COMMD9: variants seen among roughly 807,000 people sequenced by gnomAD.
COMMD9 encodes the protein COMM domain-containing protein 9.
In COMMD9, 22 loss-of-function variants were observed where a neutral mutation model predicts 23.4. The observed-to-expected ratio is 0.94, with a 90% CI of 0.67 to 1.34. The LOEUF (loss-of-function observed/expected upper bound fraction) is 1.34. COMMD9 is among the 40% of genes most tolerant of loss of function. The probability of loss-of-function intolerance (pLI) is 0.00; values close to 1 mark genes in which losing one functional copy is unlikely to be tolerated. For synonymous variants in COMMD9, 99 were observed against 97.4 expected (o/e 1.02, Z -0.10); for missense variants, 231 against 240.2 (o/e 0.96, Z 0.25).
chr11:36,274,396 A>G lies in COMMD9; in HGVS notation c.*236T>C, dbSNP rs1855933417. 2.9e-6 allele frequency: 2 copies of G among 692,096 alleles called. No individual in the cohort carries two copies. The allele number at this position is 692,096 out of a possible 1,614,324, so 42.9% of individuals were successfully genotyped here. A position where few individuals can be genotyped will look rare whatever the true frequency, so the allele number is the denominator to read the frequency against. On this transcript the variant is annotated 3_prime_UTR_variant, in exon 6 of 6. Coordinates refer to ENST00000263401, the MANE Select transcript of COMMD9 (RefSeq NM_014186.4). ...ATTAAGTTGCACTCAGGAGCTTTTC[A>G]AAGATGGGGGCTTCTGCTCTCCAGC...
intron 2 of COMMD9, 74 bp downstream of exon 2, chr11:36,280,638 G>A (rs1590401292): frequency 2.1e-6 from 3 of 1,423,084 alleles, no homozygotes; most frequent in Non-Finnish European, 2.8e-6. Flanking sequence ...CCTTGGACAT[G>A]GCAATGACTG....
chr11:36,281,322 T>C (rs1413444799), intron 1 of COMMD9, among the ~76,000 whole-genome samples: 2 of 152,140 alleles, frequency 1.3e-5, no homozygotes, highest in African/African-American at 4.8e-5. Context: ...CCAAATATCA[T>C]AGAAAAACTG....
At chr11:36,279,242 C>T (rs899320943) in intron 2 of COMMD9, among the ~76,000 whole-genome samples, 4 of 152,194 alleles carry the variant, frequency 2.6e-5, no homozygotes, top group East Asian at 1.9e-4. Flanking sequence ...AGCTCCTGGC[C>T]GGCTGTGCGG....
chr11:36,280,568 C>G, intron 2 of COMMD9, 144 bp downstream of exon 2: 1 of 725,010 alleles, frequency 1.4e-6, no homozygotes, highest in East Asian at 2.8e-5. Context: ...TACAGTTCTC[C>G]CATTCATGTC....
intron 1 of COMMD9, among the ~76,000 whole-genome samples, chr11:36,282,226 A>T (rs1313907932): frequency 6.6e-6 from 1 of 152,172 alleles, no homozygotes; most frequent in Non-Finnish European, 1.5e-5. Context: ...GGCAAGACTG[A>T]AAGAATATTC....
chr11:36,286,560 C>G (rs1484872758), intron 1 of COMMD9, among the ~76,000 whole-genome samples: 4 of 152,008 alleles, frequency 2.6e-5, no homozygotes, highest in African/African-American at 9.7e-5. Context: ...GATCATGCCA[C>G]TGAACTGTAG....
chr11:36,275,105 A>C (rs1855948509), intron 5 of COMMD9, among the ~76,000 whole-genome samples: 1 of 152,212 alleles, frequency 6.6e-6, no homozygotes, highest in Non-Finnish European at 1.5e-5. Context: ...TACTTTAAGG[A>C]GCAGGTTCTG....
intron 1 of COMMD9, 56 bp downstream of exon 1, chr11:36,289,306 T>C: frequency 6.6e-7 from 1 of 1,519,438 alleles, no homozygotes; most frequent in Non-Finnish European, 8.9e-7. Flanking sequence ...TCCTGCTCCG[T>C]CTAAAGTCTC....
At position 36,272,677 on chromosome 11, in the gene COMMD9, T is replaced by C. The variant is rs1855897455; in HGVS notation, c.*1955A>G. 1 of 152,206 alleles carries C rather than the reference T, an allele frequency of 6.6e-6. No homozygotes were observed. The highest frequency in any genetic ancestry group is 1.5e-5 in the Non-Finnish European group (1 of 68,044). 9.4% of individuals were successfully genotyped at this position (152,206 alleles called of 1,614,324 possible). A position where few individuals can be genotyped will look rare whatever the true frequency, so the allele number is the denominator to read the frequency against. On this transcript the variant is annotated 3_prime_UTR_variant, in exon 6 of 6. Transcript: ENST00000263401. ...TTTCCTATAGCAGATAAAGAAGAGCTTGGAATTTTTTTTCCCTTGACCTTC... is the reference window on the plus strand; with the variant it reads ...TTTCCTATAGCAGATAAAGAAGAGCCTGGAATTTTTTTTCCCTTGACCTTC...
chr11:36,276,069 G>A (rs925876610), intron 5 of COMMD9, 68 bp downstream of exon 5: 58 of 1,142,276 alleles, frequency 5.1e-5, no homozygotes, highest in Non-Finnish European at 7.3e-5. Context: ...CCAAACCTTG[G>A]AGACTAGTGT....
intron 4 of COMMD9, chr11:36,276,763 T>C (rs886270147): frequency 4.8e-5 from 11 of 229,690 alleles, no homozygotes; most frequent in Non-Finnish European, 8.5e-5. Context: ...GTAATGACCA[T>C]TTATTAAACA....
rs898153946 is a variant in COMMD9, at chr11:36,274,519, C to A, written c.*113G>T. On this transcript the variant is annotated 3_prime_UTR_variant, in exon 6 of 6. Coordinates refer to ENST00000263401, the MANE Select transcript of COMMD9 (RefSeq NM_014186.4). Reference sequence around the variant, plus strand: ...CTGGATGGCAGTAGCCCCCTGCTGTCCCCACCATCCTGCCTGTTGTCAGCT... The same window carrying A: ...CTGGATGGCAGTAGCCCCCTGCTGTACCCACCATCCTGCCTGTTGTCAGCT... The A allele has an allele frequency of 1.5e-6, 2 of 1,371,450 alleles. No homozygotes were observed. Among genetic ancestry groups the A allele is most frequent in the Admixed American group, 1.7e-5 (1 of 58,128 alleles). 85.0% of individuals were successfully genotyped at this position (1,371,450 alleles called of 1,614,324 possible).
At chr11:36,285,961 C>T (rs555938009) in intron 1 of COMMD9, among the ~76,000 whole-genome samples, 23 of 152,224 alleles carry the variant, frequency 1.5e-4, no homozygotes, top group African/African-American at 4.6e-4. Context: ...AATGCTTTGC[C>T]CCCAAAACTG....
At chr11:36,277,299 A>C (rs1041952862) in intron 3 of COMMD9, among the ~76,000 whole-genome samples, 176 bp from the exon 4 acceptor site, 1 of 152,234 alleles carries the variant, frequency 6.6e-6, no homozygotes, top group Non-Finnish European at 1.5e-5. Flanking sequence ...TGTTTTACAA[A>C]GCTCAGTGAT....
chr11:36,283,130 A>T (rs1375769582), intron 1 of COMMD9, among the ~76,000 whole-genome samples: 1 of 152,214 alleles, frequency 6.6e-6, no homozygotes, highest in African/African-American at 2.4e-5. Flanking sequence ...CATTGAGGGC[A>T]GGTCTTCCTG....
Position 36,274,459 on chromosome 11 carries a change from G to T in COMMD9, c.*173C>A. ...AAGAAGATGAGTGAGAACAGCGGGG[G>T]ATCTGGCTGCTTCTTCCCAATCCAA... On this transcript the variant is annotated 3_prime_UTR_variant, in exon 6 of 6. Coordinates refer to ENST00000263401, the MANE Select transcript of COMMD9 (RefSeq NM_014186.4). 1 of 816,434 alleles carries T rather than the reference G, an allele frequency of 1.2e-6. No individual in the cohort carries two copies. The highest frequency in any genetic ancestry group is 2.1e-6 in the Non-Finnish European group (1 of 473,960). The allele number at this position is 816,434 out of a possible 1,614,324, so 50.6% of individuals were successfully genotyped here.
At chr11:36,280,346 G>C (rs1033149146) in intron 2 of COMMD9, among the ~76,000 whole-genome samples, 7 of 152,190 alleles carry the variant, frequency 4.6e-5, no homozygotes, top group Admixed American at 6.5e-5. Flanking sequence ...AAGCCTGATG[G>C]AATCTAGCAG....
In COMMD9 at chr11:36,289,409, C is replaced by T. The variant is rs1481778561; in HGVS notation, c.4G>A (p.Ala2Thr). Residue 2 changes from alanine (A) to threonine (T), a missense_variant, in exon 1 of 6, where the codon GCT becomes ACT. Transcript: ENST00000263401. ...GCAAAATGCTCCGCTGTCAGGGCAG[C>T]CATCTTGCCGAAGTCACATGACCGT... Reference protein sequence around the residue: MAALTAEHFAAL... With the variant: MTALTAEHFAAL... The T allele has an allele frequency of 6.4e-7, 1 of 1,551,924 alleles. No homozygotes were observed. Among genetic ancestry groups the T allele is most frequent in the Non-Finnish European group, 8.7e-7 (1 of 1,147,118 alleles).
chr11:36,280,376 T>A (rs1279539698), intron 2 of COMMD9, among the ~76,000 whole-genome samples: 2 of 152,214 alleles, frequency 1.3e-5, no homozygotes, highest in South Asian at 4.1e-4. Context: ...CTGAATCTTA[T>A]GCAGGCCTCA....
Sources: allele counts gnomAD v4.1 joint callset (sites outside exome capture counted in the v4.1 genomes callset), GRCh38; gene constraint gnomAD v4.1.1; transcripts MANE v1.5; gene names NCBI Gene and HGNC (gene_info 2026-07-23, HGNC 2026-07-21).